Variants in IQSEC1 observed in about 807,000 individuals in gnomAD.
IQSEC1 encodes IQ motif and SEC7 domain-containing protein 1.
Under a neutral mutation model 91.0 loss-of-function variants are expected in IQSEC1, and 31 were observed. That is an observed-to-expected ratio of 0.34 (90% confidence interval 0.26 to 0.46). The LOEUF is 0.46. Among genes scored for constraint, IQSEC1 ranks in the 20% least tolerant of loss-of-function variants. The probability of loss-of-function intolerance (pLI) is 1.00; values close to 1 mark genes in which losing one functional copy is unlikely to be tolerated. For missense variants in IQSEC1, 1,388 were observed against 1,575.6 expected, an observed-to-expected ratio of 0.88 and a Z score of 2.02; for synonymous variants, 699 against 662.6, an observed-to-expected ratio of 1.05 and a Z score of -0.84.
chr3:13,107,379 T>G (rs1028476873), intron 2 of IQSEC1, among the ~76,000 whole-genome samples: 1 of 152,234 alleles, frequency 6.6e-6, no homozygotes, highest in African/African-American at 2.4e-5. Flanking sequence ...GCGGTTGCTA[T>G]AGTTAATTAA....
chr3:13,182,974 C>T (rs1693870620), intron 1 of IQSEC1, among the ~76,000 whole-genome samples: 1 of 152,106 alleles, frequency 6.6e-6, no homozygotes, highest in Admixed American at 6.5e-5. Context: ...ACCATCCTGG[C>T]TAACACAGTG....
intron 1 of IQSEC1, among the ~76,000 whole-genome samples, chr3:13,236,281 C>T (rs1694926978): frequency 6.6e-6 from 1 of 152,182 alleles, no homozygotes; most frequent in Non-Finnish European, 1.5e-5. Context: ...CACAGGTCCC[C>T]CAAGGCTGCA....
intron 2 of IQSEC1, among the ~76,000 whole-genome samples, chr3:13,107,856 G>A (rs553385015): frequency 7.9e-5 from 12 of 152,278 alleles, no homozygotes; most frequent in African/African-American, 2.9e-4. Flanking sequence ...AACGCCCAGC[G>A]GCCTGCTCCC....
At chr3:13,279,891 C>T (rs542707975) in intron 1 of IQSEC1, among the ~76,000 whole-genome samples, 1 of 152,310 alleles carries the variant, frequency 6.6e-6, no homozygotes, top group African/African-American at 2.4e-5. Flanking sequence ...CAGCCCTTCT[C>T]ACGGTACCCC....
chr3:13,094,351 G>C (rs575273706), intron 2 of IQSEC1, among the ~76,000 whole-genome samples: 2 of 152,114 alleles, frequency 1.3e-5, no homozygotes, highest in Non-Finnish European at 1.5e-5. Flanking sequence ...GGCTTGCAGG[G>C]GCTGACCTTG....
At chr3:13,072,609 G>A (rs570316619) in intron 1 of IQSEC1, among the ~76,000 whole-genome samples, 6 of 152,348 alleles carry the variant, frequency 3.9e-5, no homozygotes, top group Admixed American at 1.3e-4. Context: ...TATCAGGCAT[G>A]GCTGAAGGGC....
At position 13,044,187 on chromosome 3, in the gene IQSEC1, T is replaced by C. The variant is rs147175140; in HGVS notation, c.23+28805A>G. On this transcript the variant is annotated intron_variant, in intron 1 of 13. Transcript: ENST00000613206. ...AGCAAAAATGCTGCTTCTAGAGCAA[T>C]GGTTCTCAACCAGAGGCGTCTGGGT... Among the ~76,000 whole-genome samples, 490 of 152,312 alleles carry C rather than the reference T, an allele frequency of 3.2e-3. 4 individuals are homozygous for C. The highest frequency in any genetic ancestry group is 0.011 in the African/African-American group (456 of 41,552).
At chr3:12,919,090 C>T (rs544781052) in intron 6 of IQSEC1, among the ~76,000 whole-genome samples, 5 of 91,572 alleles carry the variant, frequency 5.5e-5, no homozygotes, top group African/African-American at 1.2e-4. Context: ...TGAGAGGCCC[C>T]GGGTGGATGT....
chr3:13,222,942 A>C (rs934629080), intron 1 of IQSEC1, among the ~76,000 whole-genome samples: 1 of 152,262 alleles, frequency 6.6e-6, no homozygotes, highest in African/African-American at 2.4e-5. Flanking sequence ...GCCCAGACTC[A>C]GCTCCAGCCC....
chr3:13,070,658 C>T (rs753616074), intron 1 of IQSEC1, among the ~76,000 whole-genome samples: 5 of 152,196 alleles, frequency 3.3e-5, no homozygotes, highest in Non-Finnish European at 5.9e-5. Context: ...ACAGAGCCAC[C>T]CCCTCCAAGT....
intron 1 of IQSEC1, among the ~76,000 whole-genome samples, chr3:12,990,303 G>C (rs1200044122): frequency 6.6e-6 from 1 of 152,178 alleles, no homozygotes; most frequent in Non-Finnish European, 1.5e-5. Flanking sequence ...ACCGATGAGG[G>C]AAACTCACTG....
chr3:12,910,543 G>T (rs1575868444), intron 10 of IQSEC1, among the ~76,000 whole-genome samples: 1 of 152,264 alleles, frequency 6.6e-6, no homozygotes, highest in African/African-American at 2.4e-5. Context: ...CCAAGGCAAG[G>T]CATGACTTGC....
chr3:13,127,568 A>AC (rs35845246), intron 2 of IQSEC1, among the ~76,000 whole-genome samples: 59,197 of 151,572 alleles, frequency 0.39, 12,938 homozygotes, highest in African/African-American at 0.6. Flanking sequence ...GAGTCCTCCT[A>AC]TTTATTTTTC....
chr3:13,042,819 C>T lies in IQSEC1; in HGVS notation c.23+30173G>A, dbSNP rs140610735. On this transcript the variant is annotated intron_variant, in intron 1 of 13. Transcript: ENST00000613206. ...GGCCGGCACTGGCTGGACAGTCCTA[C>T]ACCCGCCTGGCTGGCCCAGAGTGGC... 5.3e-4 allele frequency among the ~76,000 whole-genome samples: 80 copies of T among 152,316 alleles called. 4 individuals are homozygous for T. The East Asian group carries it at 0.015, about 29-fold the overall frequency.
At chr3:13,163,652 G>A (rs1241129380) in intron 2 of IQSEC1, among the ~76,000 whole-genome samples, 3 of 152,148 alleles carry the variant, frequency 2.0e-5, no homozygotes, top group Non-Finnish European at 4.4e-5. Flanking sequence ...GGGGCATTAC[G>A]CCTGCCGTGG....
chr3:13,015,506 C>T (rs1001850278), intron 1 of IQSEC1: 1 of 949,762 alleles, frequency 1.1e-6, no homozygotes, highest in Non-Finnish European at 1.3e-6. Flanking sequence ...GCTGCCCTGA[C>T]AGTCGCCAGC....
intron 1 of IQSEC1, among the ~76,000 whole-genome samples, chr3:13,255,074 T>G (rs1695263016): frequency 6.6e-6 from 1 of 152,254 alleles, no homozygotes; most frequent in Non-Finnish European, 1.5e-5. Flanking sequence ...CTCTAGAAGC[T>G]GCTTTTGTGT....
intron 1 of IQSEC1, among the ~76,000 whole-genome samples, chr3:13,239,415 T>C (rs1013338754): frequency 1.1e-4 from 17 of 152,216 alleles, no homozygotes; most frequent in African/African-American, 4.1e-4. Flanking sequence ...CCTCACCATC[T>C]CGGGCCTGCT....
intron 1 of IQSEC1, among the ~76,000 whole-genome samples, chr3:12,996,158 C>T (rs1702220372): frequency 6.6e-6 from 1 of 152,074 alleles, no homozygotes; most frequent in Admixed American, 6.6e-5. Context: ...AAGACTTTGT[C>T]TCTTAAAAAC....
Sources: allele counts gnomAD v4.1 joint callset (sites outside exome capture counted in the v4.1 genomes callset), GRCh38; gene constraint gnomAD v4.1.1; transcripts MANE v1.5; gene names NCBI Gene and HGNC (gene_info 2026-07-23, HGNC 2026-07-21).